UBE3B: variants seen among roughly 807,000 people sequenced by gnomAD.
UBE3B encodes ubiquitin protein ligase E3B.
Under a neutral mutation model 132.3 loss-of-function variants are expected in UBE3B, and 80 were observed. That is an observed-to-expected ratio of 0.60 (90% confidence interval 0.50 to 0.73). UBE3B has a LOEUF of 0.73. UBE3B is among the 30% of genes least tolerant of loss of function. UBE3B has a pLI of 0.00. For synonymous variants in UBE3B, 487 were observed against 520.4 expected (o/e 0.94, Z 0.87); for missense variants, 1,196 against 1,362.5 (o/e 0.88, Z 1.92).
At chr12:109,525,813 T>A (rs1010049652) in intron 23 of UBE3B, among the ~76,000 whole-genome samples, 3 of 152,092 alleles carry the variant, frequency 2.0e-5, no homozygotes, top group Non-Finnish European at 4.4e-5. Flanking sequence ...ACAAAAAAAA[T>A]TAGCTCTAAT....
intron 24 of UBE3B, among the ~76,000 whole-genome samples, chr12:109,527,231 T>A (rs548786572): frequency 8.7e-4 from 133 of 152,360 alleles, no homozygotes; most frequent in African/African-American, 3.1e-3. Flanking sequence ...TAAAGGGCTC[T>A]GCAGAATCTA....
chr12:109,490,507 T>G (rs760931393), intron 8 of UBE3B: 1 of 1,535,890 alleles, frequency 6.5e-7, no homozygotes, highest in Non-Finnish European at 8.7e-7. Context: ...ATGGGCTGTT[T>G]CCTGATTTGG....
chr12:109,486,434 T>C (rs1386907366), intron 5 of UBE3B, 37 bp from the exon 6 acceptor site: 2 of 1,518,202 alleles, frequency 1.3e-6, no homozygotes, highest in South Asian at 1.2e-5. Context: ...ATGATCTCTA[T>C]AACAGCCCAT....
At chr12:109,540,691 A>G (rs1417449012), downstream of UBE3B, among the ~76,000 whole-genome samples, 2 of 152,254 alleles carry the variant, frequency 1.3e-5, no homozygotes, top group African/African-American at 4.8e-5. Flanking sequence ...GACCACGGGC[A>G]TGTGAAAGAG....
rs759383140 is a variant in UBE3B at position 109,511,192 on chromosome 12, T to TTTC, written c.1857-7_1857-5dup. On this transcript the variant is annotated splice_polypyrimidine_tract_variant and intron_variant, in intron 17 of 27. Transcript: ENST00000342494. ...CTTTTAATTCTCCCAAACCCATGTC[T>TTTC]TTCTTCTCAAGGGATCTCAAACCTA... 8.1e-6 allele frequency: 13 copies of TTTC among 1,613,440 alleles called. No homozygotes were observed. In the South Asian group the frequency reaches 1.3e-4, roughly 16 times the overall value.
At chr12:109,526,157 A>C (rs572783543) in intron 23 of UBE3B, among the ~76,000 whole-genome samples, 1 of 152,340 alleles carries the variant, frequency 6.6e-6, no homozygotes, top group Non-Finnish European at 1.5e-5. Context: ...TGGGTGAGAA[A>C]AAAACCTTTT....
chr12:109,532,411 G>A (rs753126281), intron 26 of UBE3B, among the ~76,000 whole-genome samples: 11 of 152,042 alleles, frequency 7.2e-5, no homozygotes, highest in Non-Finnish European at 1.3e-4. Context: ...TTTGATGCCC[G>A]ACACACATAA....
chr12:109,514,503 T>G (rs1311632834), intron 18 of UBE3B, among the ~76,000 whole-genome samples: 1 of 152,236 alleles, frequency 6.6e-6, no homozygotes, highest in Non-Finnish European at 1.5e-5. Context: ...GTTCTGTTTC[T>G]GTGTCTTCTG....
At chr12:109,496,287 A>AT (rs1460702169) in intron 9 of UBE3B, among the ~76,000 whole-genome samples, 1 of 152,252 alleles carries the variant, frequency 6.6e-6, no homozygotes, top group Non-Finnish European at 1.5e-5. Context: ...TTATATGGAT[A>AT]TACCACATTT....
At chr12:109,484,971 T>G (rs925086873) in intron 4 of UBE3B, among the ~76,000 whole-genome samples, 2 of 151,348 alleles carry the variant, frequency 1.3e-5, no homozygotes, top group Non-Finnish European at 1.5e-5. Flanking sequence ...TGCCCAGGCT[T>G]GTCTCAAACT....
chr12:109,480,017 TACTC>T (rs1041013842), intron 1 of UBE3B, among the ~76,000 whole-genome samples: 2 of 152,134 alleles, frequency 1.3e-5, no homozygotes, highest in African/African-American at 4.8e-5. Flanking sequence ...TTGAATCTGT[TACTC>T]ACTCTAAACA....
intron 23 of UBE3B, among the ~76,000 whole-genome samples, chr12:109,525,076 A>T (rs1441917514): frequency 6.6e-6 from 1 of 152,068 alleles, no homozygotes; most frequent in Non-Finnish European, 1.5e-5. Context: ...CCACGCCATG[A>T]GCTTCTTAAT....
At chr12:109,516,099 G>A (rs939626369) in intron 18 of UBE3B, among the ~76,000 whole-genome samples, 13 of 150,498 alleles carry the variant, frequency 8.6e-5, no homozygotes, top group Non-Finnish European at 1.5e-4. Context: ...TCTGTAACTT[G>A]TTCTGCCACC....
intron 13 of UBE3B, 50 bp downstream of exon 13, chr12:109,501,584 C>A: frequency 6.3e-7 from 1 of 1,579,220 alleles, no homozygotes; most frequent in Non-Finnish European, 8.6e-7. Context: ...GGCTGAAGTA[C>A]AGCTCCTGTT....
chr12:109,508,385 G>A, intron 15 of UBE3B: 1 of 355,736 alleles, frequency 2.8e-6, no homozygotes, highest in African/African-American at 2.2e-5. Flanking sequence ...TAGAGGGTAA[G>A]TGAAAAAAAC....
At chr12:109,494,941 C>T (rs1286636042) in intron 9 of UBE3B, among the ~76,000 whole-genome samples, 7 of 152,204 alleles carry the variant, frequency 4.6e-5, no homozygotes, top group Admixed American at 4.6e-4. Context: ...ACCCTTATAA[C>T]AATGCAGTCC....
intron 18 of UBE3B, among the ~76,000 whole-genome samples, chr12:109,512,943 T>C (rs924609883): frequency 1.3e-5 from 2 of 152,246 alleles, no homozygotes; most frequent in East Asian, 3.8e-4. Flanking sequence ...TTCCAAAAGA[T>C]AGAACATTCT....
At position 109,490,841 on chromosome 12, in the gene UBE3B, A is replaced by C. The variant is rs139216420; in HGVS notation, c.631-204A>C. The C allele has an allele frequency of 3.5e-4, 423 of 1,197,986 alleles. 4 individuals carry two copies. The East Asian group carries it at 0.011, about 30-fold the overall frequency. The allele number at this position is 1,197,986 out of a possible 1,614,324, so 74.2% of individuals were successfully genotyped here. On this transcript the variant is annotated intron_variant, in intron 8 of 27. Coordinates refer to ENST00000342494, the MANE Select transcript of UBE3B (RefSeq NM_130466.4). ...TGTTTTTTTGTTTTTTTTTTAAGAG[A>C]CAGGGTTGCCCTGTCACCCAGGCTG...
At chr12:109,523,940 C>T (rs1249067165) in intron 21 of UBE3B, 38 bp from the exon 22 acceptor site, 1 of 1,611,388 alleles carries the variant, frequency 6.2e-7, no homozygotes, top group Admixed American at 1.7e-5. Context: ...GCATCAGAAT[C>T]CTGGCTGATG....
Sources: gnomAD v4.1 joint callset for allele counts (sites outside exome capture counted in the v4.1 genomes callset) on GRCh38, gnomAD v4.1.1 for gene constraint, MANE v1.5 for transcripts, NCBI Gene and HGNC (gene_info 2026-07-23, HGNC 2026-07-21) for gene names.